Variants in MYO16 observed in about 807,000 individuals in gnomAD.
The protein encoded by MYO16 is unconventional myosin-XVI.
Under a neutral mutation model 205.3 loss-of-function variants are expected in MYO16, and 94 were observed. The ratio of observed to expected loss-of-function variants is 0.46; its 90% confidence interval spans 0.39 to 0.54. The LOEUF is 0.54. Among genes scored for constraint, MYO16 ranks in the 20% least tolerant of loss-of-function variants. MYO16 has a pLI of 0.00. For synonymous variants in MYO16, 988 were observed against 954.0 expected (o/e 1.04, Z -0.66); for missense variants, 2,315 against 2,387.5 (o/e 0.97, Z 0.63).
the MYO16 span, among the ~76,000 whole-genome samples, chr13:108,534,926 C>T: frequency 6.7e-6 from 1 of 149,368 alleles, no homozygotes; most frequent in Non-Finnish European, 1.5e-5. Flanking sequence ...TTCCTCTCTT[C>T]CTTCTTCCTC....
chr13:109,179,569 G>C lies in MYO16; in HGVS notation c.5351G>C (p.Arg1784Pro). 1 of 1,613,892 alleles carries C rather than the reference G, an allele frequency of 6.2e-7. No individual in the cohort carries two copies. The highest frequency in any genetic ancestry group is 8.5e-7 in the Non-Finnish European group (1 of 1,179,814). ...NGLPEEDGYS[R>P]LSISGTGTST... ...TTACCTGAAGAAGATGGATACTCACGGTTGTCTATAAGTGGCACAGGGACT... is the reference window on the plus strand; with the variant it reads ...TTACCTGAAGAAGATGGATACTCACCGTTGTCTATAAGTGGCACAGGGACT... Residue 1784 changes from arginine (R) to proline (P), a missense_variant, in exon 34 of 35, where the codon CGG (arginine) becomes CCG (proline). Arg to Pro is a moderately radical substitution (Grantham distance 103). This residue lies in a region of MYO16 where 1,097 missense variants were observed against 1,092.0 expected (regional missense o/e 1.00). Transcript: ENST00000457511.
intron 4 of MYO16, among the ~76,000 whole-genome samples, chr13:108,767,913 G>A (rs1366379716): frequency 1.3e-5 from 2 of 152,126 alleles, no homozygotes; most frequent in African/African-American, 4.8e-5. Context: ...TTTTATTCAT[G>A]TAGCAACAAT....
chr13:108,803,144 C>T (rs945152701), intron 6 of MYO16, among the ~76,000 whole-genome samples: 2 of 152,126 alleles, frequency 1.3e-5, no homozygotes, highest in Non-Finnish European at 2.9e-5. Flanking sequence ...TACCTGAATA[C>T]ATGCTTGAAA....
At chr13:108,966,981 A>G (rs1027126410) in intron 20 of MYO16, among the ~76,000 whole-genome samples, 2 of 152,144 alleles carry the variant, frequency 1.3e-5, no homozygotes, top group Non-Finnish European at 1.5e-5. Context: ...CTTATGGTCA[A>G]AGTTGTAGAG....
the MYO16 span, among the ~76,000 whole-genome samples, chr13:108,575,746 T>G: frequency 8.3e-3 from 1,268 of 152,294 alleles, 17 homozygotes; most frequent in African/African-American, 0.029. Context: ...ATTTCTTCTC[T>G]CTGTTCCGTG....
At chr13:108,550,356 A>ACAAG in the MYO16 span, among the ~76,000 whole-genome samples, 1 of 152,272 alleles carries the variant, frequency 6.6e-6, no homozygotes, top group Non-Finnish European at 1.5e-5. Flanking sequence ...AAAACAAAGG[A>ACAAG]CAAGCATGCT....
At chr13:108,764,778 C>A (rs2139663997) in intron 4 of MYO16, among the ~76,000 whole-genome samples, 1 of 152,130 alleles carries the variant, frequency 6.6e-6, no homozygotes, top group African/African-American at 2.4e-5. Context: ...ATATTCTGGC[C>A]ATTAATTGAT....
In MYO16 at chr13:109,141,169, T is replaced by A; in HGVS notation, c.4957T>A (p.Ser1653Thr). ...NSAPVAGPCS[S>T]FPKIPYSPVK... ...TGCCCCCGTGGCCGGGCCCTGCAGC[T>A]CCTTCCCCAAGATCCCATATTCCCC... is the stretch of plus-strand genomic sequence containing the variant. Residue 1653 changes from serine (S) to threonine (T), a missense_variant, in exon 32 of 35, where the codon TCC (serine) becomes ACC (threonine). By Grantham distance (58) the Ser-to-Thr change is moderately conservative. Coordinates refer to ENST00000457511, the MANE Select transcript of MYO16 (RefSeq NM_001198950.3). This position sits in a 1 kb window ranked among gnomAD's most constrained non-coding sequence, Gnocchi z 4.1. 6.2e-7 allele frequency: 1 copy of A among 1,609,062 alleles called. No homozygotes were observed. The highest frequency in any genetic ancestry group is 8.5e-7 in the Non-Finnish European group (1 of 1,177,840).
At chr13:108,871,263 T>A (rs1879039831) in intron 12 of MYO16, among the ~76,000 whole-genome samples, 1 of 152,048 alleles carries the variant, frequency 6.6e-6, no homozygotes, top group African/African-American at 2.4e-5. Context: ...CTTGAACATG[T>A]CATTTTTAAT....
rs954889874 is a variant in MYO16 at position 109,162,561 on chromosome 13, A to T, written c.5165-2340A>T. Among the ~76,000 whole-genome samples the T allele has an allele frequency of 6.6e-6, 1 of 152,090 alleles. No homozygotes were observed. Among genetic ancestry groups the T allele is most frequent in the African/African-American group, 2.4e-5 (1 of 41,394 alleles). On this transcript the variant is annotated intron_variant, in intron 32 of 34. Coordinates refer to ENST00000457511, the MANE Select transcript of MYO16 (RefSeq NM_001198950.3). The surrounding 1 kb of genome is among the most constrained non-coding windows in gnomAD (Gnocchi z 4.6). ...TGCCCACCAGTGTTTTCCACTTACT[A>T]GGTTTTCCACGTAGCTGTGAGTCCA...
the MYO16 span, among the ~76,000 whole-genome samples, chr13:108,510,283 A>C: frequency 1.3e-5 from 2 of 151,468 alleles, no homozygotes; most frequent in African/African-American, 4.9e-5. Flanking sequence ...CGCCCGGCTA[A>C]TTTTTTTGTG....
At chr13:108,541,346 T>C in the MYO16 span, among the ~76,000 whole-genome samples, 1 of 151,262 alleles carries the variant, frequency 6.6e-6, no homozygotes, top group East Asian at 1.9e-4. Context: ...TAGATATATG[T>C]ATAATTATGC....
chr13:108,718,795 A>C (rs12431361), intron 3 of MYO16, among the ~76,000 whole-genome samples: 46,825 of 151,984 alleles, frequency 0.31, 7,715 homozygotes, highest in Middle Eastern at 0.44. Flanking sequence ...CCATAACTGG[A>C]AAGTCCCTAG....
chr13:109,135,040 C>T (rs982024883), intron 31 of MYO16, among the ~76,000 whole-genome samples: 6 of 152,140 alleles, frequency 3.9e-5, no homozygotes, highest in Admixed American at 3.3e-4. Context: ...CCGGTGCCTC[C>T]GGTACGATTC....
chr13:108,659,462 T>G, intron 1 of MYO16: 1 of 310,274 alleles, frequency 3.2e-6, no homozygotes, highest in Non-Finnish European at 6.3e-6. Context: ...CCATAAACTT[T>G]TATCTGGAAT....
In MYO16 at chr13:109,024,987, G is replaced by C. The variant is rs181289706; in HGVS notation, c.2796+5076G>C. On this transcript the variant is annotated intron_variant, in intron 23 of 34. Transcript: ENST00000457511. ...TAACTGATTTGAAATCAACATGCAAGGTCTAGTTTGGACAATAGGAGGAAC... is the reference window on the plus strand; with the variant it reads ...TAACTGATTTGAAATCAACATGCAACGTCTAGTTTGGACAATAGGAGGAAC... Among the ~76,000 whole-genome samples the C allele has an allele frequency of 1.4e-4, 22 of 152,256 alleles. No homozygotes were observed. In the East Asian group the frequency reaches 3.7e-3, roughly 25 times the overall value.
chr13:108,521,703 G>A, the MYO16 span, among the ~76,000 whole-genome samples: 1 of 152,050 alleles, frequency 6.6e-6, no homozygotes, highest in Non-Finnish European at 1.5e-5. Flanking sequence ...AGCTTTGCTT[G>A]TAAATGTAAT....
At chr13:108,845,283 A>C (rs1386035423) in intron 10 of MYO16, among the ~76,000 whole-genome samples, 2 of 152,170 alleles carry the variant, frequency 1.3e-5, no homozygotes, top group Non-Finnish European at 2.9e-5. Context: ...AAACACTTTT[A>C]AATTTTAGCA....
At chr13:109,108,963 T>TGAATAG (rs1889203163) in intron 28 of MYO16, among the ~76,000 whole-genome samples, 1 of 152,206 alleles carries the variant, frequency 6.6e-6, no homozygotes, top group African/African-American at 2.4e-5. Context: ...GCCATGTTTC[T>TGAATAG]CAACCTTTAT....
Sources: gnomAD v4.1 joint callset for allele counts (sites outside exome capture counted in the v4.1 genomes callset) on GRCh38, gnomAD v4.1.1 for gene constraint, gnomAD v4.1.1 regional missense constraint, Gnocchi (gnomAD v3.1) non-coding constraint, MANE v1.5 for transcripts, NCBI Gene and HGNC (gene_info 2026-07-23, HGNC 2026-07-21) for gene names.